Variants in DENND4A observed in about 807,000 individuals in gnomAD.
The protein encoded by DENND4A is DENN domain containing 4A.
Under a neutral mutation model 199.3 loss-of-function variants are expected in DENND4A, and 70 were observed. The ratio of observed to expected loss-of-function variants is 0.35; its 90% CI spans 0.29 to 0.43. The LOEUF is 0.43. DENND4A is among the 20% of genes least tolerant of loss of function. DENND4A has a pLI of 1.00. For synonymous variants in DENND4A, 686 were observed against 766.9 expected (o/e 0.89, Z 1.74); for missense variants, 1,723 against 2,255.8 (o/e 0.76, Z 4.78).
At chr15:65,774,517 A>G (rs949407927) in intron 1 of DENND4A, among the ~76,000 whole-genome samples, 2 of 151,228 alleles carry the variant, frequency 1.3e-5, no homozygotes, top group Non-Finnish European at 2.9e-5. Context: ...AAAATAAAAA[A>G]GTTAGCCAGG....
At chr15:65,701,672 C>A in intron 18 of DENND4A, 90 bp downstream of exon 18, 2 of 1,216,066 alleles carry the variant, frequency 1.6e-6, no homozygotes, top group South Asian at 1.3e-5. Flanking sequence ...AAAATAAATG[C>A]CAAATAACCC....
intron 12 of DENND4A, 58 bp downstream of exon 12, chr15:65,722,790 G>A: frequency 7.8e-7 from 1 of 1,288,592 alleles, no homozygotes; most frequent in Non-Finnish European, 1.0e-6. Flanking sequence ...GTAAGGCAAA[G>A]TAATTGGAGT....
At chr15:65,673,363 TG>T (rs933191616) in intron 24 of DENND4A, among the ~76,000 whole-genome samples, 1 of 151,346 alleles carries the variant, frequency 6.6e-6, no homozygotes, top group Non-Finnish European at 1.5e-5. Flanking sequence ...CCCAGCTACC[TG>T]GGAAGCTGAG....
At chr15:65,699,510 T>C (rs770098873) in intron 20 of DENND4A, among the ~76,000 whole-genome samples, 2 of 151,268 alleles carry the variant, frequency 1.3e-5, no homozygotes, top group Non-Finnish European at 2.9e-5. Context: ...ATTCTAGCAC[T>C]GAAGTATACA....
intron 4 of DENND4A, among the ~76,000 whole-genome samples, chr15:65,750,238 A>C (rs2076526391): frequency 6.6e-6 from 1 of 152,204 alleles, no homozygotes; most frequent in African/African-American, 2.4e-5. Flanking sequence ...AGAAACAGAA[A>C]ACTAAATACT....
intron 2 of DENND4A, among the ~76,000 whole-genome samples, chr15:65,759,169 C>A: frequency 6.6e-6 from 1 of 152,058 alleles, no homozygotes; most frequent in East Asian, 1.9e-4. Context: ...TCTAAGTATT[C>A]CCACTATTTT....
intron 11 of DENND4A, among the ~76,000 whole-genome samples, chr15:65,728,779 G>A (rs952149307): frequency 6.6e-6 from 1 of 151,946 alleles, no homozygotes; most frequent in Non-Finnish European, 1.5e-5. Context: ...ATGAGCCACC[G>A]CGCCCGGCCC....
chr15:65,718,161 T>A (rs946755244), intron 12 of DENND4A, among the ~76,000 whole-genome samples, 165 bp from the exon 13 acceptor site: 1 of 152,174 alleles, frequency 6.6e-6, no homozygotes, highest in African/African-American at 2.4e-5. Context: ...TAGCATTTTG[T>A]AGTCTCCGTT....
intron 24 of DENND4A, among the ~76,000 whole-genome samples, chr15:65,675,045 A>G (rs2076331523): frequency 6.6e-6 from 1 of 152,212 alleles, no homozygotes; most frequent in African/African-American, 2.4e-5. Flanking sequence ...TTAAAAGAGC[A>G]AAGATAAAGT....
chr15:65,779,035 A>G (rs1022239871), intron 1 of DENND4A, among the ~76,000 whole-genome samples: 1 of 152,210 alleles, frequency 6.6e-6, no homozygotes, highest in Non-Finnish European at 1.5e-5. Context: ...AGGCAGAGAC[A>G]GTAAGACGGC....
At position 65,748,653 on chromosome 15, in the gene DENND4A, G is replaced by C. The variant is rs560972309; in HGVS notation, c.561+3726C>G. On this transcript the variant is annotated intron_variant, in intron 4 of 32. Coordinates refer to ENST00000443035, the MANE Select transcript of DENND4A (RefSeq NM_001320835.1). The stretch of plus-strand genomic sequence containing the variant: ...AAAAAAAACAAACAAAAAAAACAAA[G>C]AAAAAGAAAGAAAGAAATTAAATTT... 4.7e-4 allele frequency among the ~76,000 whole-genome samples: 70 copies of C among 148,520 alleles called. 1 individual carries two copies. Among genetic ancestry groups the C allele is most frequent in the Middle Eastern group, 3.6e-3 (1 of 280 alleles).
At chr15:65,667,352 A>G in intron 29 of DENND4A, 97 bp downstream of exon 29, 1 of 1,355,792 alleles carries the variant, frequency 7.4e-7, no homozygotes, top group Non-Finnish European at 1.0e-6. Context: ...AAATAAATTT[A>G]GCATAAAAAC....
chr15:65,709,719 A>AAAATAT (rs1218030026), intron 14 of DENND4A, among the ~76,000 whole-genome samples: 2 of 51,466 alleles, frequency 3.9e-5, no homozygotes, highest in African/African-American at 2.0e-4. Context: ...AAAAAAAAAA[A>AAAATAT]ATATATATAT....
rs116818054 is a variant in DENND4A at position 65,704,954 on chromosome 15, A to G, written c.2087+1137T>C. Reference sequence around the variant, plus strand: ...AAATTTAAATTAAAAAGTTAAAACCAAACCACAGAAACACAAAACTCGAAG... The same window carrying G: ...AAATTTAAATTAAAAAGTTAAAACCGAACCACAGAAACACAAAACTCGAAG... On this transcript the variant is annotated intron_variant, in intron 15 of 32. Coordinates refer to ENST00000443035, the MANE Select transcript of DENND4A (RefSeq NM_001320835.1). Among the ~76,000 whole-genome samples the G allele has an allele frequency of 3.3e-3, 502 of 152,328 alleles. 4 individuals carry two copies. Among genetic ancestry groups the G allele is most frequent in the African/African-American group, 0.012 (487 of 41,568 alleles).
chr15:65,690,357 T>C, intron 23 of DENND4A, 58 bp downstream of exon 23: 1 of 1,484,344 alleles, frequency 6.7e-7, no homozygotes, highest in South Asian at 1.4e-5. Flanking sequence ...AAGGGGCTTT[T>C]GGTGGTGATG....
intron 19 of DENND4A, 44 bp from the exon 20 acceptor site, chr15:65,700,719 A>T: frequency 6.8e-7 from 1 of 1,468,360 alleles, no homozygotes; most frequent in Non-Finnish European, 9.0e-7. Context: ...CGAAGAGGTA[A>T]ATACACATTA....
intron 1 of DENND4A, among the ~76,000 whole-genome samples, chr15:65,768,092 C>T (rs2077031211): frequency 6.6e-6 from 1 of 152,138 alleles, no homozygotes; most frequent in Non-Finnish European, 1.5e-5. Flanking sequence ...TGGCTCACCT[C>T]AAGTGATCCT....
chr15:65,674,218 T>C (rs1169617009), intron 24 of DENND4A, among the ~76,000 whole-genome samples: 3 of 152,128 alleles, frequency 2.0e-5, no homozygotes, highest in Non-Finnish European at 4.4e-5. Flanking sequence ...ATGATAAATA[T>C]CACTTAAAAG....
intron 1 of DENND4A, among the ~76,000 whole-genome samples, chr15:65,787,888 A>C (rs1202604130): frequency 1.3e-5 from 2 of 152,192 alleles, no homozygotes; most frequent in Non-Finnish European, 2.9e-5. Flanking sequence ...CTCATAATCA[A>C]AGACCATTGC....
Sources: gnomAD v4.1 joint callset for allele counts (sites outside exome capture counted in the v4.1 genomes callset) on GRCh38, gnomAD v4.1.1 for gene constraint, MANE v1.5 for transcripts, NCBI Gene and HGNC (gene_info 2026-07-23, HGNC 2026-07-21) for gene names.